The following PCDH15 variants were observed in gnomAD, a reference collection of about 807,000 sequenced individuals.
PCDH15 encodes protocadherin-15.
PCDH15 carries 129 observed loss-of-function variants against 178.5 expected under a neutral mutation model. The ratio of observed to expected loss-of-function variants is 0.72; its 90% CI spans 0.63 to 0.84. The LOEUF (loss-of-function observed/expected upper bound fraction) is 0.84, where lower values mean the gene tolerates loss of function less well. Among genes scored for constraint, PCDH15 ranks in the 40% least tolerant of loss-of-function variants. The pLI is 0.00. For missense variants in PCDH15, 2,230 were observed against 2,099.9 expected (o/e 1.06, Z -1.21); for synonymous variants, 800 against 732.0 (o/e 1.09, Z -1.50).
At chr10:55,010,593 C>T (rs1840026022) in intron 2 of PCDH15, among the ~76,000 whole-genome samples, 1 of 152,032 alleles carries the variant, frequency 6.6e-6, no homozygotes, top group Non-Finnish European at 1.5e-5. Context: ...GAGGTGGCAA[C>T]AGGTCCAAAG....
chr10:55,267,068 C>T (rs899729754), intron 1 of PCDH15, among the ~76,000 whole-genome samples: 1 of 151,056 alleles, frequency 6.6e-6, no homozygotes, highest in Non-Finnish European at 1.5e-5. Flanking sequence ...GTGAGGAGGA[C>T]AGAGGAACTT....
chr10:55,374,318 G>C (rs1845572847), intron 2 of PCDH15, among the ~76,000 whole-genome samples: 1 of 152,084 alleles, frequency 6.6e-6, no homozygotes, highest in Non-Finnish European at 1.5e-5. Context: ...CAGCTACTGG[G>C]AGAGGCCCTC....
chr10:54,421,929 CTATATATATATATATAAAA>C (rs1565232465), intron 3 of PCDH15, among the ~76,000 whole-genome samples: 2,527 of 105,582 alleles, frequency 0.024, 165 homozygotes, highest in African/African-American at 0.077. Flanking sequence ...TATATATACA[CTATATATATATATATAAAA>C]ATATATATAT....
intron 2 of PCDH15, among the ~76,000 whole-genome samples, chr10:54,646,822 A>AC (rs890845133): frequency 3.3e-5 from 5 of 152,122 alleles, no homozygotes; most frequent in African/African-American, 1.2e-4. Flanking sequence ...ATTATAAAAA[A>AC]CAAAGCAAAA....
At chr10:55,240,072 G>C (rs891190048) in intron 1 of PCDH15, among the ~76,000 whole-genome samples, 18 of 152,126 alleles carry the variant, frequency 1.2e-4, no homozygotes, top group African/African-American at 4.3e-4. Flanking sequence ...CTTGTACACT[G>C]TTGATGGAAA....
intron 2 of PCDH15, among the ~76,000 whole-genome samples, chr10:55,463,098 G>GAA (rs550045259): frequency 3.1e-5 from 3 of 96,458 alleles, no homozygotes; most frequent in African/African-American, 7.4e-5. Flanking sequence ...GGATCCAAGA[G>GAA]AAAAAAAAAA....
At chr10:54,050,989 A>G (rs1332678073) in intron 18 of PCDH15, among the ~76,000 whole-genome samples, 1 of 152,106 alleles carries the variant, frequency 6.6e-6, no homozygotes, top group East Asian at 1.9e-4. Context: ...TTCACTCTGC[A>G]TTTCTCTGCT....
intron 2 of PCDH15, among the ~76,000 whole-genome samples, chr10:54,924,221 C>T (rs1402727626): frequency 2.2e-5 from 3 of 137,178 alleles, no homozygotes; most frequent in Non-Finnish European, 5.1e-5. Flanking sequence ...ATCACAAGAA[C>T]AGCAGGGGGG....
At position 54,800,994 on chromosome 10, in the gene PCDH15, T is replaced by C. The variant is rs1292753446; in HGVS notation, c.-98A>G. ...CAAGTTTTCTTGCCAAGGCTGCCTC[T>C]TGCACATCCCTTTAAAAAGAACCAG... On this transcript the variant is annotated 5_prime_UTR_variant, in exon 1 of 38. Coordinates refer to ENST00000644397, the MANE Select transcript of PCDH15 (RefSeq NM_001384140.1). The C allele has an allele frequency of 2.6e-5, 4 of 152,184 alleles. No individual in the cohort carries two copies. The highest frequency in any genetic ancestry group is 1.9e-4 in the East Asian group (1 of 5,190). 9.4% of individuals were successfully genotyped at this position (152,184 alleles called of 1,614,324 possible).
At chr10:55,011,869 C>G (rs1274970816) in intron 2 of PCDH15, among the ~76,000 whole-genome samples, 1 of 151,956 alleles carries the variant, frequency 6.6e-6, no homozygotes, top group Non-Finnish European at 1.5e-5. Flanking sequence ...GTACTTGAGC[C>G]ACTGTGTATG....
chr10:55,469,695 G>C (rs1167347471), intron 2 of PCDH15, among the ~76,000 whole-genome samples: 1 of 151,304 alleles, frequency 6.6e-6, no homozygotes, highest in Non-Finnish European at 1.5e-5. Flanking sequence ...CTACTTAAGG[G>C]GTTTTCATTT....
intron 13 of PCDH15, among the ~76,000 whole-genome samples, chr10:54,179,209 A>G (rs537032153): frequency 6.6e-6 from 1 of 151,792 alleles, no homozygotes; most frequent in Non-Finnish European, 1.5e-5. Flanking sequence ...AAAATGTGGC[A>G]CATATACACC....
At chr10:53,946,841 G>A (rs780257608) in intron 23 of PCDH15, among the ~76,000 whole-genome samples, 1 of 152,142 alleles carries the variant, frequency 6.6e-6, no homozygotes, top group Non-Finnish European at 1.5e-5. Flanking sequence ...GCAGTGGCGC[G>A]ATCTCGGCTC....
chr10:53,873,997 A>C (rs1239415456), intron 26 of PCDH15, among the ~76,000 whole-genome samples: 1 of 152,164 alleles, frequency 6.6e-6, no homozygotes, highest in African/African-American at 2.4e-5. Flanking sequence ...TGCCTCCAGA[A>C]CTATGAGGAA....
chr10:55,102,538 T>C (rs1331289248), intron 2 of PCDH15, among the ~76,000 whole-genome samples: 1 of 152,150 alleles, frequency 6.6e-6, no homozygotes, highest in African/African-American at 2.4e-5. Flanking sequence ...CTATAACAAA[T>C]GTTATATAAA....
intron 2 of PCDH15, among the ~76,000 whole-genome samples, chr10:55,128,821 C>T (rs1837968665): frequency 6.6e-6 from 1 of 151,972 alleles, no homozygotes; most frequent in African/African-American, 2.4e-5. Context: ...AGACTTCAAC[C>T]AACACTTTCA....
chr10:55,036,084 C>T (rs1339804318), intron 2 of PCDH15, among the ~76,000 whole-genome samples: 1 of 152,088 alleles, frequency 6.6e-6, no homozygotes, highest in Non-Finnish European at 1.5e-5. Flanking sequence ...TCAGAGGGCT[C>T]CACTCTCATC....
intron 3 of PCDH15, among the ~76,000 whole-genome samples, chr10:54,861,754 A>G (rs942143268): frequency 6.6e-6 from 1 of 152,202 alleles, no homozygotes; most frequent in African/African-American, 2.4e-5. Context: ...AGTAAGTTAA[A>G]TTATTTCTGT....
chr10:53,963,931 A>AC (rs1195095149), intron 21 of PCDH15, among the ~76,000 whole-genome samples: 1 of 151,494 alleles, frequency 6.6e-6, no homozygotes, highest in African/African-American at 2.4e-5. Context: ...CATCACACAC[A>AC]AAAAAAATAA....
Sources: gnomAD v4.1 joint callset for allele counts (sites outside exome capture counted in the v4.1 genomes callset) on GRCh38, gnomAD v4.1.1 for gene constraint, MANE v1.5 for transcripts, NCBI Gene and HGNC (gene_info 2026-07-23, HGNC 2026-07-21) for gene names.